The following LYPLAL1 variants were observed in gnomAD, a reference collection of about 807,000 sequenced individuals.
LYPLAL1 encodes the protein lysophospholipase like 1.
A neutral mutation model predicts 19.7 loss-of-function variants in LYPLAL1; 23 were observed. The observed-to-expected ratio is 1.17, with a 90% CI of 0.84 to 1.65. The LOEUF (loss-of-function observed/expected upper bound fraction) is 1.65. Among genes scored for constraint, LYPLAL1 ranks in the 40% most tolerant of loss-of-function variants. The probability of loss-of-function intolerance (pLI) is 0.00; values close to 1 mark genes in which losing one functional copy is unlikely to be tolerated. For missense variants in LYPLAL1, 355 were observed against 279.4 expected, an observed-to-expected ratio of 1.27 and a Z score of -1.93; for synonymous variants, 119 against 96.3, an observed-to-expected ratio of 1.24 and a Z score of -1.38.
chr1:219,301,919 G>A, the LYPLAL1 span, among the ~76,000 whole-genome samples: 1 of 151,872 alleles, frequency 6.6e-6, no homozygotes, highest in African/African-American at 2.4e-5. Flanking sequence ...GTTCATATTT[G>A]TTTTGAATTT....
At chr1:219,372,217 G>T in the LYPLAL1 span, among the ~76,000 whole-genome samples, 1 of 152,120 alleles carries the variant, frequency 6.6e-6, no homozygotes, top group East Asian at 1.9e-4. Flanking sequence ...CAGCATGCAA[G>T]GTGATAAGAG....
the LYPLAL1 span, among the ~76,000 whole-genome samples, chr1:219,439,990 T>TAC: frequency 2.5e-4 from 30 of 120,274 alleles, no homozygotes; most frequent in East Asian, 5.2e-4. Flanking sequence ...TATATATATA[T>TAC]ACACACATAT....
At chr1:219,419,154 C>G in the LYPLAL1 span, among the ~76,000 whole-genome samples, 4 of 152,184 alleles carry the variant, frequency 2.6e-5, no homozygotes, top group Non-Finnish European at 5.9e-5. Context: ...TTCTCAACCC[C>G]TTAGGGTAAG....
chr1:219,442,166 C>T, the LYPLAL1 span, among the ~76,000 whole-genome samples: 1 of 152,206 alleles, frequency 6.6e-6, no homozygotes, highest in East Asian at 1.9e-4. Context: ...GCAATCTTTC[C>T]TTCCTCCCTG....
chr1:219,433,379 G>A, the LYPLAL1 span, among the ~76,000 whole-genome samples: 3 of 152,096 alleles, frequency 2.0e-5, no homozygotes, highest in Non-Finnish European at 2.9e-5. Context: ...TTACTAAACT[G>A]TACACTCCTT....
chr1:219,379,261 T>A, the LYPLAL1 span, among the ~76,000 whole-genome samples: 32 of 152,140 alleles, frequency 2.1e-4, no homozygotes, highest in Non-Finnish European at 4.4e-5. Context: ...TTAGGCAAAA[T>A]GTAGGATACA....
chr1:219,362,090 G>A, the LYPLAL1 span, among the ~76,000 whole-genome samples: 5 of 152,078 alleles, frequency 3.3e-5, no homozygotes, highest in African/African-American at 1.2e-4. Flanking sequence ...GTTAGGAAGA[G>A]GACTCCAAGA....
At chr1:219,193,592 A>G (rs186856829) in intron 3 of LYPLAL1, 406 of 162,554 alleles carry the variant, frequency 2.5e-3, no homozygotes, top group Non-Finnish European at 4.0e-3. Flanking sequence ...AAGTTTAAAC[A>G]TCTATTGCCA....
chr1:219,306,755 T>TAGATAGAC, the LYPLAL1 span, among the ~76,000 whole-genome samples: 1 of 149,394 alleles, frequency 6.7e-6, no homozygotes. Flanking sequence ...GATAGATAGA[T>TAGATAGAC]AGATAGATAG....
chr1:219,263,248 C>G, the LYPLAL1 span, among the ~76,000 whole-genome samples: 2 of 152,122 alleles, frequency 1.3e-5, no homozygotes, highest in African/African-American at 2.4e-5. Context: ...GCTTCTGCTT[C>G]ATTGTATATG....
At chr1:219,183,242 A>C (rs1208671104) in intron 2 of LYPLAL1, among the ~76,000 whole-genome samples, 1 of 152,056 alleles carries the variant, frequency 6.6e-6, no homozygotes. Context: ...CTCAAAAGAA[A>C]TGCCCACTCA....
chr1:219,316,203 A>G, the LYPLAL1 span, among the ~76,000 whole-genome samples: 156 of 152,310 alleles, frequency 1.0e-3, no homozygotes, highest in Middle Eastern at 3.4e-3. Context: ...AATTAAAATT[A>G]CCATTTCTAC....
the LYPLAL1 span, among the ~76,000 whole-genome samples, chr1:219,241,134 C>CTCTCTATA: frequency 4.3e-3 from 192 of 44,344 alleles, no homozygotes; most frequent in Non-Finnish European, 5.5e-3. Context: ...CTCTCTCTCT[C>CTCTCTATA]TATATATATA....
At chr1:219,291,791 C>A in the LYPLAL1 span, among the ~76,000 whole-genome samples, 4 of 150,202 alleles carry the variant, frequency 2.7e-5, no homozygotes, top group East Asian at 2.0e-4. Context: ...TTCATATGTG[C>A]AAAAAAAAAT....
the LYPLAL1 span, among the ~76,000 whole-genome samples, chr1:219,275,182 G>A: frequency 6.6e-6 from 1 of 152,154 alleles, no homozygotes; most frequent in Non-Finnish European, 1.5e-5. Context: ...GAAAAGAAAT[G>A]CAAGTCTCTT....
At chr1:219,382,686 C>A in the LYPLAL1 span, among the ~76,000 whole-genome samples, 9 of 152,136 alleles carry the variant, frequency 5.9e-5, no homozygotes, top group Admixed American at 5.9e-4. Flanking sequence ...TTTTTAAATA[C>A]CCTTATACTT....
chr1:219,191,412 T>C (rs2125061298), intron 2 of LYPLAL1, among the ~76,000 whole-genome samples: 1 of 151,696 alleles, frequency 6.6e-6, no homozygotes, highest in Admixed American at 6.6e-5. Context: ...TAGGATATAA[T>C]ATAGCCATTA....
the LYPLAL1 span, among the ~76,000 whole-genome samples, chr1:219,426,772 T>C: frequency 6.6e-6 from 1 of 152,198 alleles, no homozygotes; most frequent in Non-Finnish European, 1.5e-5. Flanking sequence ...CTAGTTTTTA[T>C]ATTTTTAGTA....
chr1:219,335,716 TTCA>T, the LYPLAL1 span, among the ~76,000 whole-genome samples: 1 of 151,932 alleles, frequency 6.6e-6, no homozygotes, highest in African/African-American at 2.4e-5. Context: ...CACTTGTATC[TTCA>T]TCACTAAATA....
Sources: allele counts gnomAD v4.1 joint callset (sites outside exome capture counted in the v4.1 genomes callset), GRCh38; gene constraint gnomAD v4.1.1; transcripts MANE v1.5; gene names NCBI Gene and HGNC (gene_info 2026-07-23, HGNC 2026-07-21).